Variants in CBLB observed in about 807,000 individuals in gnomAD.
CBLB encodes E3 ubiquitin-protein ligase CBL-B.
In CBLB, 31 loss-of-function variants were observed where a neutral mutation model predicts 104.9. The ratio of observed to expected loss-of-function variants is 0.30; its 90% CI spans 0.22 to 0.40. The LOEUF (loss-of-function observed/expected upper bound fraction) is 0.40. Ranked by LOEUF, CBLB falls within the 10% of genes least tolerant of loss-of-function variation. The probability of loss-of-function intolerance (pLI) is 1.00; values close to 1 mark genes in which losing one functional copy is unlikely to be tolerated. For synonymous variants in CBLB, 440 were observed against 422.6 expected (o/e 1.04, Z -0.51); for missense variants, 1,062 against 1,214.6 (o/e 0.87, Z 1.87).
At chr3:105,691,011 A>C (rs2067623734) in intron 13 of CBLB, among the ~76,000 whole-genome samples, 1 of 152,214 alleles carries the variant, frequency 6.6e-6, no homozygotes, top group Non-Finnish European at 1.5e-5. Context: ...TCTACCATAT[A>C]ATCTAAATAA....
rs1344941791 is a variant in CBLB at position 105,867,726 on chromosome 3, C to CT, written c.-14-136dup. ...GCAAAACCAAAAGTTCCGGATTCAT[C>CT]TTTATCAATAAGCTTGTGAATTTAC... is the stretch of plus-strand genomic sequence containing the variant. On this transcript the variant is annotated intron_variant, in intron 1 of 18. Transcript: ENST00000394030. The CT allele has an allele frequency of 6.9e-6, 5 of 724,714 alleles. No individual in the cohort carries two copies. In the East Asian group the frequency reaches 1.1e-4, roughly 16 times the overall value. 44.9% of individuals were successfully genotyped at this position (724,714 alleles called of 1,614,324 possible).
intron 9 of CBLB, among the ~76,000 whole-genome samples, chr3:105,730,653 T>C (rs1190307518): frequency 6.6e-6 from 1 of 152,002 alleles, no homozygotes; most frequent in Non-Finnish European, 1.5e-5. Context: ...ACAAAATGTA[T>C]CAGGAGGATG....
intron 6 of CBLB, among the ~76,000 whole-genome samples, chr3:105,742,406 G>C (rs2399054): frequency 0.22 from 32,798 of 152,000 alleles, 3,658 homozygotes; most frequent in Admixed American, 0.26. Context: ...TTTAAAAAAA[G>C]AAGTGATTTT....
chr3:105,798,351 G>T (rs1436214066), intron 3 of CBLB, among the ~76,000 whole-genome samples: 1 of 151,984 alleles, frequency 6.6e-6, no homozygotes. Context: ...TTAATTAAAG[G>T]TTTCTGTTTT....
At position 105,846,447 on chromosome 3, in the gene CBLB, AAC is replaced by A. The variant is rs1367750840; in HGVS notation, c.419+6965_419+6966del. On this transcript the variant is annotated intron_variant, in intron 3 of 18. Coordinates refer to ENST00000394030, the MANE Select transcript of CBLB (RefSeq NM_170662.5). ...TGCAAATAATTGTTATAATAACAAA[AAC>A]AATATTTTTACTATAGAAACTACTA... is the stretch of plus-strand genomic sequence containing the variant. 2.6e-5 allele frequency among the ~76,000 whole-genome samples: 4 copies of A among 152,142 alleles called. No individual in the cohort carries two copies. The East Asian group carries it at 5.8e-4, about 22-fold the overall frequency.
At chr3:105,740,765 C>T in intron 6 of CBLB, 134 bp from the exon 7 acceptor site, 1 of 771,990 alleles carries the variant, frequency 1.3e-6, no homozygotes, top group Non-Finnish European at 2.2e-6. Flanking sequence ...ATTCTGTCTT[C>T]TAACTTATTT....
chr3:105,868,189 T>A, intron 1 of CBLB: 1 of 1,230,474 alleles, frequency 8.1e-7, no homozygotes, highest in Non-Finnish European at 1.0e-6. Context: ...ATCAACGCGG[T>A]GAGTCGTTAT....
intron 3 of CBLB, among the ~76,000 whole-genome samples, chr3:105,827,181 A>G (rs1350997392): frequency 2.0e-5 from 3 of 152,204 alleles, no homozygotes; most frequent in African/African-American, 4.8e-5. Flanking sequence ...ACATAACTAA[A>G]TAACTTGGAA....
In CBLB at chr3:105,745,940, C is replaced by T. The variant is rs780473334; in HGVS notation, c.822G>A (p.Gln274=). 16 of 1,612,148 alleles carry T rather than the reference C, an allele frequency of 9.9e-6. No homozygotes were observed. The highest frequency in any genetic ancestry group is 1.7e-5 in the Admixed American group (1 of 60,014). Residue 274 remains glutamine (Q), a synonymous_variant, in exon 6 of 19, where the codon CAG becomes CAA. Coordinates refer to ENST00000394030, the MANE Select transcript of CBLB (RefSeq NM_170662.5). ...ACCTTCCGGGTTTGGTGCTATATTTCTGTAGTCGTGCTTTAACTTCATCAT... is the reference window on the plus strand; with the variant it reads ...ACCTTCCGGGTTTGGTGCTATATTTTTGTAGTCGTGCTTTAACTTCATCAT... The part of the protein sequence containing the change: ...LTYDEVKARL[Q]KYSTKPGSYI...
intron 3 of CBLB, among the ~76,000 whole-genome samples, chr3:105,828,175 G>A (rs1009510196): frequency 5.3e-5 from 8 of 151,948 alleles, no homozygotes; most frequent in Admixed American, 2.0e-4. Context: ...GGGAATGAGC[G>A]GGCATGTGGC....
intron 3 of CBLB, among the ~76,000 whole-genome samples, chr3:105,846,602 A>G (rs1322766794): frequency 6.6e-6 from 1 of 152,106 alleles, no homozygotes; most frequent in East Asian, 1.9e-4. Flanking sequence ...ATAATTTAAT[A>G]ACTGAAAAAA....
intron 3 of CBLB, among the ~76,000 whole-genome samples, chr3:105,784,489 G>A (rs2080717534): frequency 6.6e-6 from 1 of 152,144 alleles, no homozygotes; most frequent in Non-Finnish European, 1.5e-5. Flanking sequence ...AAATAAACTT[G>A]ACATTGAAAC....
chr3:105,773,303 G>C (rs1255640021), intron 4 of CBLB, among the ~76,000 whole-genome samples: 1 of 152,044 alleles, frequency 6.6e-6, no homozygotes, highest in Non-Finnish European at 1.5e-5. Flanking sequence ...ACCAAATATC[G>C]TATGTTCTCA....
chr3:105,850,413 G>C (rs144824928), intron 3 of CBLB, among the ~76,000 whole-genome samples: 4 of 152,062 alleles, frequency 2.6e-5, no homozygotes, highest in Non-Finnish European at 5.9e-5. Context: ...TTTCTTAAAG[G>C]TTTTCCTATG....
chr3:105,865,964 T>C (rs192305177), intron 2 of CBLB, among the ~76,000 whole-genome samples: 180 of 152,344 alleles, frequency 1.2e-3, no homozygotes, highest in African/African-American at 4.0e-3. Context: ...TTGACAAATA[T>C]ATGCTATTTT....
intron 3 of CBLB, 92 bp from the exon 4 acceptor site, chr3:105,776,634 T>A: frequency 8.5e-7 from 1 of 1,171,278 alleles, no homozygotes; most frequent in Non-Finnish European, 1.3e-6. Flanking sequence ...CAAACAATGT[T>A]ATGTATGTAT....
At chr3:105,741,601 T>G (rs2075592573) in intron 6 of CBLB, among the ~76,000 whole-genome samples, 1 of 152,220 alleles carries the variant, frequency 6.6e-6, no homozygotes, top group Non-Finnish European at 1.5e-5. Context: ...TTCACCGTGT[T>G]AGCCAGGATG....
At chr3:105,745,400 G>A (rs1020589910) in intron 6 of CBLB, among the ~76,000 whole-genome samples, 6 of 152,262 alleles carry the variant, frequency 3.9e-5, no homozygotes, top group African/African-American at 9.6e-5. Flanking sequence ...AATAAAACAC[G>A]AGGCATTATG....
chr3:105,655,964 A>G lies in CBLB; in HGVS notation c.*3006T>C, dbSNP rs9657917. On this transcript the variant is annotated 3_prime_UTR_variant, in exon 19 of 19. Coordinates refer to ENST00000394030, the MANE Select transcript of CBLB (RefSeq NM_170662.5). ...TGAGTTAAGAAATGGGACCCTTTTA[A>G]GTTGCAGTGAGGGTTCTATTATGAA... 77 of 228,264 alleles carry G rather than the reference A, an allele frequency of 3.4e-4. No individual in the cohort carries two copies. Among genetic ancestry groups the G allele is most frequent in the Non-Finnish European group, 6.1e-4 (70 of 114,966 alleles). The allele number at this position is 228,264 out of a possible 1,614,324, so 14.1% of individuals were successfully genotyped here.
Sources: gnomAD v4.1 joint callset for allele counts (sites outside exome capture counted in the v4.1 genomes callset) on GRCh38, gnomAD v4.1.1 for gene constraint, MANE v1.5 for transcripts, NCBI Gene and HGNC (gene_info 2026-07-23, HGNC 2026-07-21) for gene names.